Variants in LRRC39 observed in about 807,000 individuals in gnomAD.
LRRC39 encodes leucine rich repeat containing 39.
LRRC39 carries 35 observed loss-of-function variants against 39.7 expected under a neutral mutation model. The ratio of observed to expected loss-of-function variants is 0.88; its 90% CI spans 0.67 to 1.17. The LOEUF is 1.17. Among genes scored for constraint, LRRC39 ranks in the 50% most tolerant of loss-of-function variants. The probability of loss-of-function intolerance (pLI) is 0.00; values close to 1 mark genes in which losing one functional copy is unlikely to be tolerated. For missense variants in LRRC39, 357 were observed against 385.8 expected, an observed-to-expected ratio of 0.93 and a Z score of 0.62; for synonymous variants, 113 against 134.1, an observed-to-expected ratio of 0.84 and a Z score of 1.09.
chr1:100,148,991 A>G lies in LRRC39; in HGVS notation c.*51T>C. Reference sequence around the variant, plus strand: ...TTCTTTTTACTTCAGAAATCCAAACATTAGAGAATTCACCAAAGTAATCCT... The same window carrying G: ...TTCTTTTTACTTCAGAAATCCAAACGTTAGAGAATTCACCAAAGTAATCCT... On this transcript the variant is annotated 3_prime_UTR_variant, in exon 10 of 10. Coordinates refer to ENST00000370137, the MANE Select transcript of LRRC39 (RefSeq NM_144620.4). The G allele has an allele frequency of 6.9e-7, 1 of 1,448,466 alleles. No homozygotes were observed. Among genetic ancestry groups the G allele is most frequent in the South Asian group, 1.5e-5 (1 of 66,278 alleles). 89.7% of individuals were successfully genotyped at this position (1,448,466 alleles called of 1,614,324 possible).
intron 4 of LRRC39, among the ~76,000 whole-genome samples, chr1:100,160,112 A>G (rs1658756763): frequency 2.6e-5 from 4 of 152,334 alleles, no homozygotes; most frequent in African/African-American, 7.2e-5. Flanking sequence ...GAAAATACTA[A>G]TATTTCCATT....
chr1:100,162,856 TGA>T (rs933983727), intron 3 of LRRC39, among the ~76,000 whole-genome samples: 4 of 152,234 alleles, frequency 2.6e-5, no homozygotes, highest in African/African-American at 9.6e-5. Context: ...CTTGACATTC[TGA>T]GAGTTAATAC....
At chr1:100,158,032 T>A (rs541345476) in intron 6 of LRRC39, among the ~76,000 whole-genome samples, 199 bp downstream of exon 6, 121 of 152,396 alleles carry the variant, frequency 7.9e-4, no homozygotes, top group African/African-American at 2.8e-3. Context: ...AGTACTGTGA[T>A]AATAATAGAA....
intron 3 of LRRC39, among the ~76,000 whole-genome samples, chr1:100,163,939 G>A (rs1052173328): frequency 2.0e-5 from 3 of 152,130 alleles, no homozygotes; most frequent in Non-Finnish European, 4.4e-5. Flanking sequence ...TGGGTATGGT[G>A]TTGTGGGCCT....
At chr1:100,156,049 T>A (rs934648458) in intron 7 of LRRC39, 123 bp downstream of exon 7, 1 of 812,498 alleles carries the variant, frequency 1.2e-6, no homozygotes, top group Non-Finnish European at 1.8e-6. Flanking sequence ...TAAAACAGTG[T>A]ATTTCAAACT....
chr1:100,167,405 C>T (rs1659324293), intron 3 of LRRC39, among the ~76,000 whole-genome samples: 1 of 152,138 alleles, frequency 6.6e-6, no homozygotes, highest in East Asian at 1.9e-4. Flanking sequence ...TCCCTATCGC[C>T]TAAACCATCT....
chr1:100,164,637 AC>A (rs1659114077), intron 3 of LRRC39, among the ~76,000 whole-genome samples: 1 of 152,042 alleles, frequency 6.6e-6, no homozygotes, highest in African/African-American at 2.4e-5. Flanking sequence ...TCTCTGTCTC[AC>A]TTTAAAAGGT....
intron 6 of LRRC39, among the ~76,000 whole-genome samples, chr1:100,157,283 G>A: frequency 6.6e-6 from 1 of 152,138 alleles, no homozygotes; most frequent in Admixed American, 6.5e-5. Context: ...TCTCATGGTA[G>A]TGAATAAGCC....
At chr1:100,174,478 C>A (rs532312349) in intron 1 of LRRC39, among the ~76,000 whole-genome samples, 1 of 151,282 alleles carries the variant, frequency 6.6e-6, no homozygotes, top group Non-Finnish European at 1.5e-5. Flanking sequence ...ATGTATTTTT[C>A]TGTAGAGATG....
chr1:100,159,606 C>CT (rs10593200), intron 4 of LRRC39, among the ~76,000 whole-genome samples, 191 bp from the exon 5 acceptor site: 5 of 41,288 alleles, frequency 1.2e-4, no homozygotes, highest in African/African-American at 5.1e-4. Flanking sequence ...TTTTCTTTTC[C>CT]TTTTTTTTTT....
chr1:100,163,679 T>TG (rs1320429827), intron 3 of LRRC39, among the ~76,000 whole-genome samples: 1 of 151,188 alleles, frequency 6.6e-6, no homozygotes, highest in Admixed American at 6.6e-5. Flanking sequence ...GCAATCCTCC[T>TG]GCCTCAGCCT....
intron 2 of LRRC39, among the ~76,000 whole-genome samples, chr1:100,169,064 G>A (rs994557591): frequency 1.1e-4 from 16 of 151,902 alleles, no homozygotes; most frequent in Admixed American, 2.0e-4. Flanking sequence ...AATGGATGAC[G>A]CAGTATTAAG....
intron 5 of LRRC39, 50 bp downstream of exon 5, chr1:100,159,209 A>T: frequency 6.8e-7 from 1 of 1,472,600 alleles, no homozygotes; most frequent in African/African-American, 1.4e-5. Context: ...AATAAAAAGC[A>T]CATCTGCAGG....
intron 2 of LRRC39, among the ~76,000 whole-genome samples, chr1:100,172,105 T>C (rs1268558975): frequency 6.6e-6 from 1 of 152,016 alleles, no homozygotes; most frequent in Non-Finnish European, 1.5e-5. Context: ...ATAATAATAA[T>C]CTAAAATCTC....
chr1:100,169,060 T>C (rs1659428657), intron 2 of LRRC39, among the ~76,000 whole-genome samples: 1 of 151,986 alleles, frequency 6.6e-6, no homozygotes. Context: ...TGCAAATGGA[T>C]GACGCAGTAT....
rs1557918669 is a variant in LRRC39 at position 100,149,157 on chromosome 1, G to A, written c.953-60C>T. On this transcript the variant is annotated intron_variant, in intron 9 of 9. Coordinates refer to ENST00000370137, the MANE Select transcript of LRRC39 (RefSeq NM_144620.4). ...CGTATTTCTGTTTGTATTAATTTTG[G>A]AAATTTATCTTCCTTTGATTTTATT... 8 of 1,556,812 alleles carry A rather than the reference G, an allele frequency of 5.1e-6. No homozygotes were observed. The East Asian group carries it at 1.8e-4, about 36-fold the overall frequency.
At chr1:100,169,043 A>G (rs539659459) in intron 2 of LRRC39, among the ~76,000 whole-genome samples, 3 of 152,186 alleles carry the variant, frequency 2.0e-5, no homozygotes, top group African/African-American at 4.8e-5. Context: ...TTTTGTGTAA[A>G]ATAAATTGCA....
At chr1:100,178,966 C>G (rs1227401970), upstream of LRRC39, among the ~76,000 whole-genome samples, 1 of 152,006 alleles carries the variant, frequency 6.6e-6, no homozygotes, top group Non-Finnish European at 1.5e-5. Context: ...TGCCTATATC[C>G]CTTAAAAGCA....
At chr1:100,164,010 T>C (rs1396422503) in intron 3 of LRRC39, among the ~76,000 whole-genome samples, 3 of 152,092 alleles carry the variant, frequency 2.0e-5, no homozygotes, top group African/African-American at 7.2e-5. Context: ...GAGGCAGAGG[T>C]TGCAGTGAGC....
Sources: gnomAD v4.1 joint callset for allele counts (sites outside exome capture counted in the v4.1 genomes callset) on GRCh38, gnomAD v4.1.1 for gene constraint, MANE v1.5 for transcripts, NCBI Gene and HGNC (gene_info 2026-07-23, HGNC 2026-07-21) for gene names.